The following FCER1A variants were observed in gnomAD, a reference collection of about 807,000 sequenced individuals.
FCER1A encodes Fc epsilon receptor Ia, also known as high affinity immunoglobulin epsilon receptor subunit alpha.
Under a neutral mutation model 23.6 loss-of-function variants are expected in FCER1A, and 24 were observed. The observed-to-expected ratio is 1.02, with a 90% CI of 0.74 to 1.43. The LOEUF is 1.43. FCER1A is among the 40% of genes most tolerant of loss of function. FCER1A has a pLI of 0.00. For synonymous variants in FCER1A, 121 were observed against 108.8 expected (o/e 1.11, Z -0.70); for missense variants, 318 against 294.5 (o/e 1.08, Z -0.58).
chr1:159,304,647 T>C (rs575587900), intron 3 of FCER1A, among the ~76,000 whole-genome samples: 3 of 152,234 alleles, frequency 2.0e-5, no homozygotes, highest in African/African-American at 7.2e-5. Context: ...CTGCATCTCT[T>C]TTCTTCTACC....
At chr1:159,284,689 T>A in the FCER1A span, among the ~76,000 whole-genome samples, 3 of 152,198 alleles carry the variant, frequency 2.0e-5, no homozygotes, top group Admixed American at 1.3e-4. Flanking sequence ...TTTTATGCAT[T>A]CATATGTGTG....
upstream of FCER1A, among the ~76,000 whole-genome samples, chr1:159,299,827 T>C (rs1473131038): frequency 6.6e-6 from 1 of 152,160 alleles, no homozygotes; most frequent in African/African-American, 2.4e-5. Context: ...AGCCCGTTCT[T>C]CCAGGGAGGA....
upstream of FCER1A, among the ~76,000 whole-genome samples, chr1:159,301,083 T>A (rs548707823): frequency 6.6e-6 from 1 of 152,364 alleles, no homozygotes; most frequent in African/African-American, 2.4e-5. Context: ...TGGTTAGATC[T>A]TCATGTGGAA....
intron 1 of FCER1A, 64 bp downstream of exon 1, chr1:159,302,483 A>G (rs1326805480): frequency 8.8e-7 from 1 of 1,141,412 alleles, no homozygotes; most frequent in Non-Finnish European, 1.3e-6. Context: ...CAGCTGGGGT[A>G]GGAACCTTTA....
chr1:159,306,063 G>A lies in FCER1A; in HGVS notation c.407G>A (p.Arg136Lys). 6.2e-7 allele frequency: 1 copy of A among 1,614,148 alleles called. No individual in the cohort carries two copies. Among genetic ancestry groups the A allele is most frequent in the South Asian group, 1.1e-5 (1 of 91,074 alleles). The part of the protein sequence containing the change: ...QPLFLRCHGW[R>K]NWDVYKVIYY... ...CTCTTCCTCAGGTGCCATGGTTGGA[G>A]GAACTGGGATGTGTACAAGGTGATC... Residue 136 changes from arginine to lysine, a missense_variant, in exon 4 of 5, where the codon AGG (arginine) becomes AAG (lysine). Arg to Lys is a conservative substitution (Grantham distance 26, BLOSUM62 2). Transcript: ENST00000693622.
upstream of FCER1A, among the ~76,000 whole-genome samples, chr1:159,301,282 T>C (rs1373324598): frequency 6.6e-6 from 1 of 152,198 alleles, no homozygotes; most frequent in Admixed American, 6.5e-5. Flanking sequence ...CAAGCCACTA[T>C]AGACATTAAT....
chr1:159,306,279 G>A (rs766016707), intron 4 of FCER1A, 34 bp downstream of exon 4: 1 of 1,602,354 alleles, frequency 6.2e-7, no homozygotes, highest in Non-Finnish European at 8.5e-7. Flanking sequence ...AGCATCCATA[G>A]CAGGGGAAGG....
chr1:159,300,204 A>T (rs1652395556), upstream of FCER1A, among the ~76,000 whole-genome samples: 1 of 152,158 alleles, frequency 6.6e-6, no homozygotes, highest in African/African-American at 2.4e-5. Context: ...TCGAACTAGG[A>T]ATAGTACCTC....
At position 159,307,966 on chromosome 1, in the gene FCER1A, T is replaced by A; in HGVS notation, c.*34T>A. 3 of 1,524,170 alleles carry A rather than the reference T, an allele frequency of 2.0e-6. No homozygotes were observed. The highest frequency in any genetic ancestry group is 2.7e-6 in the Non-Finnish European group (3 of 1,113,442). The allele number at this position is 1,524,170 out of a possible 1,614,324, so 94.4% of individuals were successfully genotyped here. A position where few individuals can be genotyped will look rare whatever the true frequency, so the allele number is the denominator to read the frequency against. ...CTCAAGAAATATTTGCAACATTAGTTTTTTTCCAGCATCAGCAATTGCTAC... is the reference window on the plus strand; with the variant it reads ...CTCAAGAAATATTTGCAACATTAGTATTTTTCCAGCATCAGCAATTGCTAC... On this transcript the variant is annotated 3_prime_UTR_variant, in exon 5 of 5. Transcript: ENST00000693622.
rs541484691 is a variant in FCER1A at position 159,295,644 on chromosome 1, C to T, written c.-60+5891C>T. Among the ~76,000 whole-genome samples, 6 of 152,274 alleles carry T rather than the reference C, an allele frequency of 3.9e-5. 1 individual carries two copies. The South Asian group carries it at 1.2e-3, about 32-fold the overall frequency. On this transcript the variant is annotated intron_variant, in intron 1 of 5. Transcript: ENST00000368115. Reference sequence around the variant, plus strand: ...AATATTCATTTGTTTTCTTGAACCTCTATGATAATCTGCAAGTGTTTCCCG... The same window carrying T: ...AATATTCATTTGTTTTCTTGAACCTTTATGATAATCTGCAAGTGTTTCCCG...
upstream of FCER1A, among the ~76,000 whole-genome samples, chr1:159,286,089 C>T (rs893478979): frequency 2.6e-5 from 4 of 151,658 alleles, no homozygotes; most frequent in Admixed American, 2.6e-4. Flanking sequence ...ACTCAGGAGG[C>T]TGAGGCAGGA....
chr1:159,286,559 C>T (rs527692979), upstream of FCER1A, among the ~76,000 whole-genome samples: 1 of 152,244 alleles, frequency 6.6e-6, no homozygotes, highest in South Asian at 2.1e-4. Flanking sequence ...GTCTCGATCT[C>T]CTGACCTTGT....
At chr1:159,293,745 A>T (rs1474927194) in intron 1 of FCER1A, among the ~76,000 whole-genome samples, 1 of 152,072 alleles carries the variant, frequency 6.6e-6, no homozygotes, top group Non-Finnish European at 1.5e-5. Flanking sequence ...ATGGCTGCAT[A>T]GTATTCCATG....
rs1333848211 is a variant in FCER1A at position 159,302,787 on chromosome 1, A to G, written c.56-67A>G. The G allele has an allele frequency of 2.7e-5, 39 of 1,432,284 alleles. 1 individual carries two copies. Among genetic ancestry groups the G allele is most frequent in the Non-Finnish European group, 3.5e-5 (36 of 1,014,568 alleles). The allele number at this position is 1,432,284 out of a possible 1,614,324, so 88.7% of individuals were successfully genotyped here. A position where few individuals can be genotyped will look rare whatever the true frequency, so the allele number is the denominator to read the frequency against. On this transcript the variant is annotated intron_variant, in intron 1 of 4. Transcript: ENST00000693622. ...GGATGTAGATCTTATCCCCACACCC[A>G]GATTCTAGTCCTCTGGAGATAAAGA...
rs745794087 is a variant in FCER1A at position 159,303,898 on chromosome 1, A to C, written c.77-30A>C. 61 of 1,583,556 alleles carry C rather than the reference A, an allele frequency of 3.9e-5. 2 individuals are homozygous for C. In the South Asian group the frequency reaches 5.9e-4, roughly 15 times the overall value. On this transcript the variant is annotated intron_variant, in intron 2 of 4. Coordinates refer to ENST00000693622, the MANE Select transcript of FCER1A (RefSeq NM_001387280.1). ...TTTCAATGACTTTTTTTCTCTCTAC[A>C]TGTCTTTTCATATTTTTATCTTCTT...
At position 159,306,081 on chromosome 1, in the gene FCER1A, A is replaced by T; in HGVS notation, c.425A>T (p.Lys142Met). ...CHGWRNWDVY[K>M]VIYYKDGEAL... ...GGTTGGAGGAACTGGGATGTGTACA[A>T]GGTGATCTATTATAAGGATGGTGAA... The change falls in exon 4 of 5, where the codon AAG (lysine) becomes ATG (methionine). Residue 142 changes from lysine to methionine, a missense_variant. By Grantham distance (95) the Lys-to-Met change is moderately conservative (BLOSUM62 -1). Transcript: ENST00000693622. 6.2e-7 allele frequency: 1 copy of T among 1,614,174 alleles called. No individual in the cohort carries two copies. The highest frequency in any genetic ancestry group is 8.5e-7 in the Non-Finnish European group (1 of 1,180,018).
intron 1 of FCER1A, among the ~76,000 whole-genome samples, chr1:159,292,250 G>T (rs1428681239): frequency 2.6e-5 from 4 of 151,446 alleles, no homozygotes; most frequent in Admixed American, 2.6e-4. Context: ...CATTTTTTTT[G>T]TAACTGCCTA....
chr1:159,296,209 A>G (rs989386029), intron 1 of FCER1A, among the ~76,000 whole-genome samples: 1 of 152,090 alleles, frequency 6.6e-6, no homozygotes, highest in Non-Finnish European at 1.5e-5. Flanking sequence ...TTTCTACTGG[A>G]TTTTTTAAGG....
upstream of FCER1A, among the ~76,000 whole-genome samples, chr1:159,288,018 C>T (rs1452552233): frequency 2.6e-5 from 4 of 151,800 alleles, no homozygotes; most frequent in African/African-American, 9.7e-5. Context: ...AGGAGCTAGA[C>T]CAGGAAAGAT....
Sources: gnomAD v4.1 joint callset for allele counts (sites outside exome capture counted in the v4.1 genomes callset) on GRCh38, gnomAD v4.1.1 for gene constraint, MANE v1.5 for transcripts, NCBI Gene and HGNC (gene_info 2026-07-23, HGNC 2026-07-21) for gene names.